The following ABHD16A variants were observed in gnomAD, a reference collection of about 807,000 sequenced individuals.
ABHD16A encodes the protein phosphatidylserine lipase ABHD16A.
Under a neutral mutation model 89.8 loss-of-function variants are expected in ABHD16A, and 47 were observed. That is an observed-to-expected ratio of 0.52 (90% CI 0.41 to 0.67). The LOEUF (loss-of-function observed/expected upper bound fraction) is 0.67. ABHD16A is among the 30% of genes least tolerant of loss of function. ABHD16A has a pLI of 0.00. For synonymous variants in ABHD16A, 251 were observed against 280.4 expected, an observed-to-expected ratio of 0.90 and a Z score of 1.05; for missense variants, 580 against 734.6, an observed-to-expected ratio of 0.79 and a Z score of 2.43.
rs778548248 is a variant in ABHD16A at position 31,687,327 on chromosome 6, A to G, written c.1594-32T>C. 17 of 1,610,262 alleles carry G rather than the reference A, an allele frequency of 1.1e-5. No individual in the cohort carries two copies. The highest frequency in any genetic ancestry group is 1.4e-5 in the Non-Finnish European group (16 of 1,177,896). On this transcript the variant is annotated intron_variant, in intron 19 of 19. Coordinates refer to ENST00000395952, the MANE Select transcript of ABHD16A (RefSeq NM_021160.3). The surrounding 1 kb of genome is among the most constrained non-coding windows in gnomAD (Gnocchi z 6.3). ...AAAGGAGGTGGGACAGGTGGGGTAC[A>G]GAGCACTGTTGGGAGGGGCAGCCAC... is the stretch of plus-strand genomic sequence containing the variant.
intron 1 of ABHD16A, chr6:31,702,651 T>C: frequency 6.5e-7 from 1 of 1,532,362 alleles, no homozygotes; most frequent in Non-Finnish European, 8.8e-7. Context: ...GACTCGGGTC[T>C]CCAGGCTAGG....
rs750887342 is a variant in ABHD16A, at chr6:31,691,606, C to T, written c.816G>A (p.Gly272=). The T allele has an allele frequency of 6.2e-7, 1 of 1,612,996 alleles. No homozygotes were observed. The highest frequency in any genetic ancestry group is 8.5e-7 in the Non-Finnish European group (1 of 1,180,010). ...GCTTCTGTCCCTGGGGCTCAGCTGT[C>T]CCCCGCCGGTCCACAAACATGGTGT... is the stretch of plus-strand genomic sequence containing the variant. ...EIDTMFVDRR[G]TAEPQGQKLV... is the part of the protein sequence containing the mutation. Residue 272 remains glycine, a synonymous_variant, in exon 9 of 20, where the codon GGG becomes GGA. Transcript: ENST00000395952.
Position 31,693,170 on chromosome 6 carries a change from G to C in ABHD16A, c.504-21C>G. Reference sequence around the variant, plus strand: ...CCTTCCTGAGGAAGGGAAAGATGCAGGGAAGGATAGGGTCAGGAGCAGCAA... The same window carrying C: ...CCTTCCTGAGGAAGGGAAAGATGCACGGAAGGATAGGGTCAGGAGCAGCAA... On this transcript the variant is annotated intron_variant, in intron 6 of 19. Transcript: ENST00000395952. This position sits in a 1 kb window ranked among gnomAD's most constrained non-coding sequence, Gnocchi z 5.0. The C allele has an allele frequency of 1.2e-6, 2 of 1,608,996 alleles. No individual in the cohort carries two copies. The highest frequency in any genetic ancestry group is 1.3e-5 in the African/African-American group (1 of 74,994).
In ABHD16A at chr6:31,691,584, T is replaced by G; in HGVS notation, c.838A>C (p.Lys280Gln). ...RRGTAEPQGQ[K>Q]LVICCEGNAG... is the part of the protein sequence containing the mutation. ...GGCTCTCTGCTCCCTCTTACCAGCT[T>G]CTGTCCCTGGGGCTCAGCTGTCCCC... The change falls in exon 9 of 20, where the codon AAG (lysine) becomes CAG (glutamine). Residue 280 changes from lysine (K) to glutamine (Q), a missense_variant. By Grantham distance (53) the Lys-to-Gln change is moderately conservative (BLOSUM62 1). This residue lies in a region of ABHD16A where 415 missense variants were observed against 568.8 expected (regional missense o/e 0.73). Transcript: ENST00000395952. 3.7e-6 allele frequency: 6 copies of G among 1,612,944 alleles called. No homozygotes were observed. The highest frequency in any genetic ancestry group is 5.1e-6 in the Non-Finnish European group (6 of 1,179,992).
In ABHD16A at chr6:31,690,130, G is replaced by A; in HGVS notation, c.908-3C>T. 1 of 1,593,476 alleles carries A rather than the reference G, an allele frequency of 6.3e-7. No homozygotes were observed. On this transcript the variant is annotated splice_polypyrimidine_tract_variant and splice_region_variant and intron_variant, in intron 10 of 19. Transcript: ENST00000395952. This position sits in a 1 kb window ranked among gnomAD's most constrained non-coding sequence, Gnocchi z 4.1. ...CCAGCCCAGGACTGAATATCCAGCTGTAACACAGGGGGAGGAGGGACTGAG... is the reference window on the plus strand; with the variant it reads ...CCAGCCCAGGACTGAATATCCAGCTATAACACAGGGGGAGGAGGGACTGAG...
intron 4 of ABHD16A, among the ~76,000 whole-genome samples, chr6:31,697,624 C>T (rs1804525224): frequency 6.6e-6 from 1 of 152,188 alleles, no homozygotes; most frequent in Non-Finnish European, 1.5e-5. Flanking sequence ...TCCTTGACTC[C>T]TTCCAGTTCC....
chr6:31,687,396 C>G lies in ABHD16A; in HGVS notation c.1594-101G>C. 1.9e-6 allele frequency: 3 copies of G among 1,604,748 alleles called. No homozygotes were observed. The highest frequency in any genetic ancestry group is 2.6e-6 in the Non-Finnish European group (3 of 1,172,736). On this transcript the variant is annotated intron_variant, in intron 19 of 19. Transcript: ENST00000395952. The surrounding 1 kb of genome is among the most constrained non-coding windows in gnomAD (Gnocchi z 6.3). ...TCCACTTCCGCATCCACCACCCACT[C>G]TACAAAAGCTGCCACTTCCAATGCT...
chr6:31,694,556 C>G (rs1310732660), intron 5 of ABHD16A, among the ~76,000 whole-genome samples: 1 of 152,026 alleles, frequency 6.6e-6, no homozygotes. Context: ...CCATGCCCGG[C>G]TAATTTTTGT....
At chr6:31,700,874 C>T in intron 4 of ABHD16A, 68 bp downstream of exon 4, 4 of 1,362,866 alleles carry the variant, frequency 2.9e-6, no homozygotes, top group African/African-American at 1.4e-5. Flanking sequence ...TGTATTTGCA[C>T]AAGGTACTTA....
At chr6:31,699,408 CAAAAAAAAA>C (rs9281558) in intron 4 of ABHD16A, among the ~76,000 whole-genome samples, 1 of 54,290 alleles carries the variant, frequency 1.8e-5, no homozygotes, top group Non-Finnish European at 4.0e-5. Flanking sequence ...GACTCCGTCT[CAAAAAAAAA>C]AAAAAAAAAA....
At position 31,693,094 on chromosome 6, in the gene ABHD16A, G is replaced by A. The variant is rs1304980746; in HGVS notation, c.559C>T (p.Pro187Ser). The A allele has an allele frequency of 2.5e-6, 4 of 1,614,088 alleles. No homozygotes were observed. The highest frequency in any genetic ancestry group is 3.4e-6 in the Non-Finnish European group (4 of 1,180,052). The change falls in exon 7 of 20, where the codon CCC becomes TCC. Residue 187 changes from proline to serine, a missense_variant. Transcript: ENST00000395952. This position sits in a 1 kb window ranked among gnomAD's most constrained non-coding sequence, Gnocchi z 5.0. ...RRGVALLRPEPLHRGTADTLL... is the reference protein window; with the variant it reads ...RRGVALLRPESLHRGTADTLL... ...GTGTCTGCTGTCCCCCGGTGCAGGG[G>A]CTCTGGGCGAAGCAGGGCCACACCC...
Position 31,687,570 on chromosome 6 carries a change from G to T in ABHD16A, c.1547-26C>A. ...CTGCAGAGAGGAGGCGCTCAAAATA[G>T]GCCACACATCTGGGTATTCATCCCC... On this transcript the variant is annotated intron_variant, in intron 18 of 19. Coordinates refer to ENST00000395952, the MANE Select transcript of ABHD16A (RefSeq NM_021160.3). This position sits in a 1 kb window ranked among gnomAD's most constrained non-coding sequence, Gnocchi z 6.3. 1 of 1,612,956 alleles carries T rather than the reference G, an allele frequency of 6.2e-7. No homozygotes were observed. The highest frequency in any genetic ancestry group is 2.2e-5 in the East Asian group (1 of 44,884).
At chr6:31,695,217 A>C (rs1804274047) in intron 5 of ABHD16A, among the ~76,000 whole-genome samples, 1 of 152,152 alleles carries the variant, frequency 6.6e-6, no homozygotes, top group African/African-American at 2.4e-5. Flanking sequence ...AGATAATCAC[A>C]GTCCAGCACC....
rs1803367072 is a variant in ABHD16A at position 31,687,149 on chromosome 6, T to A, written c.*63A>T. On this transcript the variant is annotated 3_prime_UTR_variant, in exon 20 of 20. Coordinates refer to ENST00000395952, the MANE Select transcript of ABHD16A (RefSeq NM_021160.3). The surrounding 1 kb of genome is among the most constrained non-coding windows in gnomAD (Gnocchi z 6.3). ...CAACATGAACACAGAGAATCACAAA[T>A]AAGAGGGTCTTTCCTCATGTCTCCT... 33 of 1,454,280 alleles carry A rather than the reference T, an allele frequency of 2.3e-5. No homozygotes were observed. Among genetic ancestry groups the A allele is most frequent in the Non-Finnish European group, 2.9e-5 (30 of 1,050,768 alleles). 90.1% of individuals were successfully genotyped at this position (1,454,280 alleles called of 1,614,324 possible).
rs1248231139 is a variant in ABHD16A, at chr6:31,690,368, G to A, written c.907+171C>T. The A allele has an allele frequency of 6.7e-6, 5 of 743,078 alleles. No homozygotes were observed. Among genetic ancestry groups the A allele is most frequent in the Non-Finnish European group, 1.1e-5 (5 of 436,572 alleles). The allele number at this position is 743,078 out of a possible 1,614,324, so 46.0% of individuals were successfully genotyped here. On this transcript the variant is annotated intron_variant, in intron 10 of 19. Transcript: ENST00000395952. The surrounding 1 kb of genome is among the most constrained non-coding windows in gnomAD (Gnocchi z 4.1). ...CATAATAGCTAGGGACACAGGCCAG[G>A]GGAGGGATGTAAGGTTATCAAAGCA...
At position 31,700,733 on chromosome 6, in the gene ABHD16A, TA is replaced by T. The variant is rs879455056; in HGVS notation, c.343+208del. ...GACAACATGGTGAGACCCTATCTCT[TA>T]AAAAAAAAAAAGCAAACCTTTTTGT... On this transcript the variant is annotated intron_variant, in intron 4 of 19. Coordinates refer to ENST00000395952, the MANE Select transcript of ABHD16A (RefSeq NM_021160.3). Among the ~76,000 whole-genome samples the T allele has an allele frequency of 7.2e-3, 1,019 of 142,106 alleles. 9 individuals are homozygous for T. The highest frequency in any genetic ancestry group is 0.021 in the African/African-American group (814 of 39,012). 93.2% of individuals were successfully genotyped at this position (142,106 alleles called of 152,430 possible).
chr6:31,702,704 T>C (rs1805140709), intron 1 of ABHD16A: 1 of 1,544,530 alleles, frequency 6.5e-7, no homozygotes, highest in Non-Finnish European at 8.7e-7. Flanking sequence ...ACAGGATCTG[T>C]AAAAGTCATT....
chr6:31,690,321 G>C lies in ABHD16A; in HGVS notation c.908-194C>G, dbSNP rs528711432. The C allele has an allele frequency of 7.4e-6, 5 of 678,720 alleles. No homozygotes were observed. The highest frequency in any genetic ancestry group is 1.3e-5 in the Non-Finnish European group (5 of 398,182). 42.0% of individuals were successfully genotyped at this position (678,720 alleles called of 1,614,324 possible). ...TGTGATTGTGTGGGGTGTGTGGTGGGGGAATGGAACAGAATGAAAAGCATA... is the reference window on the plus strand; with the variant it reads ...TGTGATTGTGTGGGGTGTGTGGTGGCGGAATGGAACAGAATGAAAAGCATA... On this transcript the variant is annotated intron_variant, in intron 10 of 19. Transcript: ENST00000395952. This position sits in a 1 kb window ranked among gnomAD's most constrained non-coding sequence, Gnocchi z 4.1.
chr6:31,698,097 AAAT>A lies in ABHD16A; in HGVS notation c.344-1067_344-1065del, dbSNP rs1468437187. On this transcript the variant is annotated intron_variant, in intron 4 of 19. Coordinates refer to ENST00000395952, the MANE Select transcript of ABHD16A (RefSeq NM_021160.3). This position sits in a 1 kb window ranked among gnomAD's most constrained non-coding sequence, Gnocchi z 4.1. ...TTATGCCAAAAATGTAAAATGTGCA[AAAT>A]AATACATACTGCTTATAGATACCAT... 1.3e-5 allele frequency among the ~76,000 whole-genome samples: 2 copies of A among 152,352 alleles called. No individual in the cohort carries two copies. Among genetic ancestry groups the A allele is most frequent in the African/African-American group, 4.8e-5 (2 of 41,592 alleles).
Sources: allele counts gnomAD v4.1 joint callset (sites outside exome capture counted in the v4.1 genomes callset), GRCh38; gene constraint gnomAD v4.1.1; regional missense constraint gnomAD v4.1.1; non-coding constraint Gnocchi (gnomAD v3.1); transcripts MANE v1.5; gene names NCBI Gene and HGNC (gene_info 2026-07-23, HGNC 2026-07-21).